The following CCDC7 variants were observed in gnomAD, a reference collection of about 807,000 sequenced individuals.
The protein encoded by CCDC7 is coiled-coil domain-containing protein 7.
Under a neutral mutation model 196.9 loss-of-function variants are expected in CCDC7, and 183 were observed. The observed-to-expected ratio is 0.93, with a 90% CI of 0.82 to 1.05. The LOEUF (loss-of-function observed/expected upper bound fraction) is 1.05, where lower values mean the gene tolerates loss of function less well. Ranked by LOEUF, CCDC7 falls within the 50% of genes least tolerant of loss-of-function variation. The pLI is 0.00. For missense variants in CCDC7, 1,540 were observed against 1,482.2 expected (o/e 1.04, Z -0.64); for synonymous variants, 525 against 484.6 (o/e 1.08, Z -1.10).
At chr10:32,616,024 A>G (rs1424223735) in intron 18 of CCDC7, among the ~76,000 whole-genome samples, 1 of 152,000 alleles carries the variant, frequency 6.6e-6, no homozygotes, top group African/African-American at 2.4e-5. Context: ...CTGTGTGTCT[A>G]TTTTTATACC....
At chr10:32,823,038 A>G (rs538394795) in intron 31 of CCDC7, among the ~76,000 whole-genome samples, 2 of 152,364 alleles carry the variant, frequency 1.3e-5, no homozygotes, top group East Asian at 3.9e-4. Flanking sequence ...GAAAGACAAA[A>G]GAGCTGAAAT....
chr10:32,696,392 A>G (rs899162317), intron 24 of CCDC7, among the ~76,000 whole-genome samples: 2 of 152,080 alleles, frequency 1.3e-5, no homozygotes, highest in African/African-American at 2.4e-5. Flanking sequence ...GAAATTCTCC[A>G]TGTCCACTTT....
chr10:32,763,113 T>C (rs1205340943), intron 28 of CCDC7, among the ~76,000 whole-genome samples: 6 of 151,930 alleles, frequency 3.9e-5, no homozygotes, highest in African/African-American at 1.4e-4. Context: ...CATATATTGT[T>C]AGGTAAGCAG....
intron 21 of CCDC7, among the ~76,000 whole-genome samples, chr10:32,664,577 G>C (rs148380670): frequency 8.6e-5 from 13 of 152,004 alleles, no homozygotes; most frequent in Non-Finnish European, 1.6e-4. Context: ...TCCTCATATA[G>C]GTAAGATAAT....
intron 41 of CCDC7, among the ~76,000 whole-genome samples, chr10:32,871,786 T>C (rs1316420409): frequency 6.6e-6 from 1 of 152,014 alleles, no homozygotes. Context: ...GTCCCAGAGA[T>C]TCTGGTATGT....
At chr10:32,655,888 C>A (rs2069737286) in intron 20 of CCDC7, among the ~76,000 whole-genome samples, 1 of 152,112 alleles carries the variant, frequency 6.6e-6, no homozygotes, top group South Asian at 2.1e-4. Context: ...GCTTTTTGTA[C>A]ATCTTTAAAT....
chr10:32,647,260 A>G (rs1387931962), intron 20 of CCDC7, among the ~76,000 whole-genome samples: 1 of 152,162 alleles, frequency 6.6e-6, no homozygotes, highest in East Asian at 1.9e-4. Context: ...TAATCCCAAC[A>G]CTTTGGGAGG....
At position 32,678,550 on chromosome 10, in the gene CCDC7, C is replaced by T. The variant is rs574704179; in HGVS notation, c.2123-7420C>T. Among the ~76,000 whole-genome samples, 6 of 152,262 alleles carry T rather than the reference C, an allele frequency of 3.9e-5. No individual in the cohort carries two copies. The South Asian group carries it at 1.0e-3, about 26-fold the overall frequency. On this transcript the variant is annotated intron_variant, in intron 21 of 41. Transcript: ENST00000639629. ...GATCCATACTGTTTCTTGAGAGCTT[C>T]TGACCACCCCTCTTCCTGCCTCTTT...
At chr10:32,866,824 GT>G (rs2094214991) in intron 41 of CCDC7, among the ~76,000 whole-genome samples, 1 of 151,430 alleles carries the variant, frequency 6.6e-6, no homozygotes, top group Non-Finnish European at 1.5e-5. Context: ...ACTTATAAAA[GT>G]AAAAAAAGTA....
chr10:32,625,966 T>A (rs1218510118), intron 18 of CCDC7, among the ~76,000 whole-genome samples: 2 of 152,112 alleles, frequency 1.3e-5, no homozygotes, highest in African/African-American at 2.4e-5. Flanking sequence ...TATCCATTCA[T>A]CCATTGATAA....
At chr10:32,595,292 G>A (rs1319066380) in intron 18 of CCDC7, among the ~76,000 whole-genome samples, 9 of 152,150 alleles carry the variant, frequency 5.9e-5, no homozygotes, top group South Asian at 2.1e-4. Context: ...TATATGTGTC[G>A]GGGAATTTAT....
intron 21 of CCDC7, among the ~76,000 whole-genome samples, chr10:32,669,801 T>A (rs1315754555): frequency 6.6e-6 from 1 of 152,168 alleles, no homozygotes; most frequent in Non-Finnish European, 1.5e-5. Flanking sequence ...TTGTCTTTTC[T>A]TTTTTTGTTG....
chr10:32,677,942 G>T (rs189153400), intron 21 of CCDC7, among the ~76,000 whole-genome samples: 2 of 151,858 alleles, frequency 1.3e-5, no homozygotes, highest in African/African-American at 4.8e-5. Context: ...CAAAGGACCT[G>T]TCTTAGAGTT....
chr10:32,705,715 A>C lies in CCDC7; in HGVS notation c.2459-5905A>C, dbSNP rs569131459. Among the ~76,000 whole-genome samples, 9 of 152,300 alleles carry C rather than the reference A, an allele frequency of 5.9e-5. No homozygotes were observed. The East Asian group carries it at 1.5e-3, about 26-fold the overall frequency. On this transcript the variant is annotated intron_variant, in intron 24 of 41. Transcript: ENST00000639629. ...TTTAAACCAACAAAGATCAAAAGAGACAAAGAAGGGCATTACATAATGGTA... is the reference window on the plus strand; with the variant it reads ...TTTAAACCAACAAAGATCAAAAGAGCCAAAGAAGGGCATTACATAATGGTA...
rs183560857 is a variant in CCDC7, at chr10:32,588,799, A to G, written c.1801+4495A>G. 5.8e-3 allele frequency among the ~76,000 whole-genome samples: 880 copies of G among 152,128 alleles called. 4 individuals are homozygous for G. Among genetic ancestry groups the G allele is most frequent in the Admixed American group, 0.015 (223 of 15,270 alleles). On this transcript the variant is annotated intron_variant, in intron 18 of 41. Transcript: ENST00000639629. ...TAGACATTTCTTTGTTGAAAGCGTT[A>G]TGATTACCGGTTCAATTTTCTTACT... is the stretch of plus-strand genomic sequence containing the variant.
At chr10:32,524,972 C>T (rs1439958495) in intron 11 of CCDC7, among the ~76,000 whole-genome samples, 3 of 151,932 alleles carry the variant, frequency 2.0e-5, no homozygotes, top group Admixed American at 2.0e-4. Flanking sequence ...CTATCTACCC[C>T]ATCTCTTTCT....
intron 31 of CCDC7, among the ~76,000 whole-genome samples, chr10:32,822,463 G>A (rs963433901): frequency 1.1e-4 from 16 of 152,084 alleles, no homozygotes; most frequent in Non-Finnish European, 1.6e-4. Context: ...GTGTGTTCAT[G>A]TAACAAATCC....
intron 24 of CCDC7, among the ~76,000 whole-genome samples, chr10:32,708,183 C>G (rs1483067853): frequency 3.9e-5 from 6 of 152,176 alleles, no homozygotes; most frequent in African/African-American, 1.4e-4. Flanking sequence ...CTACACCCAT[C>G]TGATCTTTGA....
At chr10:32,457,728 C>T (rs2133517585) in intron 3 of CCDC7, among the ~76,000 whole-genome samples, 1 of 152,158 alleles carries the variant, frequency 6.6e-6, no homozygotes, top group East Asian at 1.9e-4. Flanking sequence ...GCCATTCTAA[C>T]TGAGGTGAGA....
Sources: allele counts gnomAD v4.1 joint callset (sites outside exome capture counted in the v4.1 genomes callset), GRCh38; gene constraint gnomAD v4.1.1; transcripts MANE v1.5; gene names NCBI Gene and HGNC (gene_info 2026-07-23, HGNC 2026-07-21).